DYSF: variants seen among roughly 807,000 people sequenced by gnomAD.
DYSF encodes the protein dysferlin, also known as dystrophy-associated fer-1-like 1.
In DYSF, 212 loss-of-function variants were observed where a neutral mutation model predicts 274.9. The observed-to-expected ratio is 0.77, with a 90% confidence interval of 0.69 to 0.86. DYSF has a LOEUF of 0.86. Among genes scored for constraint, DYSF ranks in the 40% least tolerant of loss-of-function variants. The pLI is 0.00. For synonymous variants in DYSF, 1,091 were observed against 1,078.7 expected, an observed-to-expected ratio of 1.01 and a Z score of -0.22; for missense variants, 2,666 against 2,783.2, an observed-to-expected ratio of 0.96 and a Z score of 0.95.
chr2:71,514,253 G>A (rs181172068), intron 7 of DYSF, among the ~76,000 whole-genome samples: 63 of 151,486 alleles, frequency 4.2e-4, no homozygotes, highest in Admixed American at 1.2e-3. Context: ...CAACCAGCAA[G>A]CTCCTGGCTA....
chr2:71,667,276 TA>T, intron 47 of DYSF, 99 bp from the exon 48 acceptor site: 1 of 1,580,122 alleles, frequency 6.3e-7, no homozygotes, highest in South Asian at 1.1e-5. Flanking sequence ...TAGAGCTTCT[TA>T]TGACTCTTAG....
At chr2:71,453,678 G>A (rs1288255650) in exon 1 of DYSF, 1 of 415,550 alleles carries the variant, frequency 2.4e-6, no homozygotes, top group Non-Finnish European at 4.6e-6. Flanking sequence ...CTCCGCAGCC[G>A]GAGCATTAGA....
chr2:71,617,879 G>GGTATAA (rs2093938428), intron 40 of DYSF, among the ~76,000 whole-genome samples: 1 of 20,668 alleles, frequency 4.8e-5, no homozygotes. Context: ...GTAGAGGTGG[G>GGTATAA]GTGTGTGTGG....
chr2:71,585,553 G>C (rs1238841711), intron 30 of DYSF, among the ~76,000 whole-genome samples: 1 of 152,186 alleles, frequency 6.6e-6, no homozygotes, highest in Admixed American at 6.5e-5. Context: ...GAGCCACGCT[G>C]ATGTCCACAC....
At chr2:71,680,415 A>G (rs2152969194) in intron 53 of DYSF, among the ~76,000 whole-genome samples, 1 of 152,352 alleles carries the variant, frequency 6.6e-6, no homozygotes, top group Non-Finnish European at 1.5e-5. Flanking sequence ...ATATAGTAAC[A>G]GATTTAACAA....
At chr2:71,564,027 A>G (rs1403157431) in intron 23 of DYSF, 31 bp from the exon 24 acceptor site, 1 of 1,613,118 alleles carries the variant, frequency 6.2e-7, no homozygotes, top group Non-Finnish European at 8.5e-7. Context: ...GTGTGTCACC[A>G]TCCCCACCCC....
intron 8 of DYSF, 139 bp from the exon 9 acceptor site, chr2:71,516,041 C>T: frequency 1.0e-6 from 1 of 965,060 alleles, no homozygotes; most frequent in Non-Finnish European, 1.6e-6. Flanking sequence ...CTTGTCCAAT[C>T]CCCAGAACTG....
intron 45 of DYSF, among the ~76,000 whole-genome samples, chr2:71,662,577 G>A (rs1239394650): frequency 6.6e-6 from 1 of 150,578 alleles, no homozygotes; most frequent in African/African-American, 2.4e-5. Context: ...GTATTTGTGT[G>A]TATACATGTG....
Position 71,658,960 on chromosome 2 carries a change from G to A in DYSF, c.4838G>A (p.Gly1613Glu). Residue 1613 changes from glycine (G) to glutamate (E), a missense_variant, in exon 44 of 56, where the codon GGA becomes GAA. Gly to Glu is a moderately conservative substitution (Grantham distance 98, BLOSUM62 -2). Transcript: ENST00000410020. The stretch of plus-strand genomic sequence containing the variant: ...CAGTTCCACCAGCTGGCCGCCCAGG[G>A]ACCCCAGGAGTGCTTGGTCCGTATC... Reference protein sequence around the residue: ...PRQFHQLAAQGPQECLVRIYI... With the variant: ...PRQFHQLAAQEPQECLVRIYI... 1 of 1,614,132 alleles carries A rather than the reference G, an allele frequency of 6.2e-7. No homozygotes were observed. Among genetic ancestry groups the A allele is most frequent in the Admixed American group, 1.7e-5 (1 of 60,018 alleles).
At chr2:71,612,058 C>T (rs991047787) in intron 38 of DYSF, among the ~76,000 whole-genome samples, 4 of 152,226 alleles carry the variant, frequency 2.6e-5, no homozygotes, top group African/African-American at 7.2e-5. Context: ...CTCTCCACCT[C>T]CCTGGGATGC....
intron 24 of DYSF, among the ~76,000 whole-genome samples, chr2:71,566,878 T>G (rs1005891212): frequency 2.6e-5 from 4 of 152,198 alleles, no homozygotes; most frequent in African/African-American, 9.6e-5. Context: ...CCTTGGCATG[T>G]CCTCTGCCCC....
intron 43 of DYSF, among the ~76,000 whole-genome samples, chr2:71,657,644 C>T (rs1035025205): frequency 1.4e-4 from 22 of 152,210 alleles, no homozygotes; most frequent in Admixed American, 7.2e-4. Flanking sequence ...TCTTGACTTC[C>T]GTGCACCCAC....
At chr2:71,461,576 G>A (rs2081287143) in intron 1 of DYSF, among the ~76,000 whole-genome samples, 1 of 152,240 alleles carries the variant, frequency 6.6e-6, no homozygotes, top group Non-Finnish European at 1.5e-5. Flanking sequence ...AACCTCCCAA[G>A]AGGCTTTTAG....
intron 55 of DYSF, among the ~76,000 whole-genome samples, chr2:71,686,050 C>T (rs908606937): frequency 1.3e-5 from 2 of 152,212 alleles, no homozygotes; most frequent in African/African-American, 4.8e-5. Context: ...GCCCCACCTT[C>T]AGCACCTGTC....
At chr2:71,577,382 TACA>T (rs374713124) in intron 30 of DYSF, among the ~76,000 whole-genome samples, 67 of 150,676 alleles carry the variant, frequency 4.4e-4, no homozygotes, top group Middle Eastern at 3.4e-3. Flanking sequence ...TACACACTCA[TACA>T]ACACCCCCAC....
intron 3 of DYSF, among the ~76,000 whole-genome samples, chr2:71,482,312 G>A (rs2152683271): frequency 6.6e-6 from 1 of 152,286 alleles, no homozygotes; most frequent in Admixed American, 6.5e-5. Flanking sequence ...CTCTTTCCCG[G>A]CCCAGCCCAG....
chr2:71,570,361 C>T lies in DYSF; in HGVS notation c.3085+27C>T, dbSNP rs760510411. The stretch of plus-strand genomic sequence containing the variant: ...TGGGCAGCATGTGGAACCTGGCGAG[C>T]CCCATCCCCGGCAAGCTCTCAAGCC... On this transcript the variant is annotated intron_variant, in intron 28 of 55. Coordinates refer to ENST00000410020, the MANE Select transcript of DYSF (RefSeq NM_001130987.2). 1.6e-4 allele frequency: 264 copies of T among 1,604,934 alleles called. 1 individual carries two copies. In the South Asian group the frequency reaches 2.8e-3, roughly 17 times the overall value.
intron 20 of DYSF, 105 bp from the exon 21 acceptor site, chr2:71,553,701 CT>C (rs1412749737): frequency 1.3e-5 from 16 of 1,224,040 alleles, no homozygotes; most frequent in Admixed American, 1.0e-4. Flanking sequence ...TTTCCCAGCT[CT>C]GCCAGTCCTA....
At chr2:71,588,070 G>A (rs979500003) in intron 30 of DYSF, among the ~76,000 whole-genome samples, 2 of 152,194 alleles carry the variant, frequency 1.3e-5, no homozygotes, top group African/African-American at 2.4e-5. Context: ...GATGGTTGAC[G>A]GCACCTCTGG....
Sources: gnomAD v4.1 joint callset for allele counts (sites outside exome capture counted in the v4.1 genomes callset) on GRCh38, gnomAD v4.1.1 for gene constraint, MANE v1.5 for transcripts, NCBI Gene and HGNC (gene_info 2026-07-23, HGNC 2026-07-21) for gene names.